DPY19L2: variants seen among roughly 807,000 people sequenced by gnomAD.
DPY19L2 encodes probable C-mannosyltransferase DPY19L2.
Under a neutral mutation model 97.9 loss-of-function variants are expected in DPY19L2, and 34 were observed. The ratio of observed to expected loss-of-function variants is 0.35; its 90% CI spans 0.26 to 0.46. DPY19L2 has a LOEUF of 0.46. Among genes scored for constraint, DPY19L2 ranks in the 20% least tolerant of loss-of-function variants. The pLI is 1.00. For synonymous variants in DPY19L2, 230 were observed against 307.9 expected (o/e 0.75, Z 2.65); for missense variants, 623 against 911.4 (o/e 0.68, Z 4.07).
intron 6 of DPY19L2, among the ~76,000 whole-genome samples, chr12:63,627,814 TC>T (rs1310143882): frequency 6.6e-6 from 1 of 152,182 alleles, no homozygotes; most frequent in African/African-American, 2.4e-5. Context: ...AGGGACAGGT[TC>T]TTTATCTGTC....
intron 6 of DPY19L2, among the ~76,000 whole-genome samples, chr12:63,636,061 G>A (rs549439149): frequency 6.6e-6 from 1 of 152,188 alleles, no homozygotes; most frequent in Admixed American, 6.6e-5. Flanking sequence ...GGAAGCCCAT[G>A]AGACTAACAG....
At chr12:63,651,617 C>G in intron 4 of DPY19L2, 1 of 346,792 alleles carries the variant, frequency 2.9e-6, no homozygotes, top group Non-Finnish European at 5.8e-6. Context: ...GTGCCTTGCT[C>G]AGCTCCAACA....
chr12:63,666,842 G>A (rs1385313943), intron 1 of DPY19L2, among the ~76,000 whole-genome samples: 1 of 152,064 alleles, frequency 6.6e-6, no homozygotes, highest in African/African-American at 2.4e-5. Context: ...TACTTGGCAA[G>A]TCATCTTATA....
chr12:63,668,092 G>GCCTGCAGTT lies in DPY19L2; in HGVS notation c.293_301dup (p.Glu98_Gln100dup). 1 of 1,613,990 alleles carries GCCTGCAGTT rather than the reference G, an allele frequency of 6.2e-7. No homozygotes were observed. Among genetic ancestry groups the GCCTGCAGTT allele is most frequent in the Non-Finnish European group, 8.5e-7 (1 of 1,179,966 alleles). ...AGTGGTTCTGCTGGAGAACCGCCGC[G>GCCTGCAGTT]CCTGCAGTTCCTGCACCTTTTCCCG... On this transcript the variant is annotated inframe_insertion, in exon 1 of 22. Coordinates refer to ENST00000324472, the MANE Select transcript of DPY19L2 (RefSeq NM_173812.5).
At chr12:63,566,549 G>A (rs1877749519) in intron 21 of DPY19L2, among the ~76,000 whole-genome samples, 1 of 150,930 alleles carries the variant, frequency 6.6e-6, no homozygotes, top group African/African-American at 2.4e-5. Flanking sequence ...CATACAGTAT[G>A]TAACCTTTGG....
chr12:63,591,804 A>C (rs1161910496), intron 16 of DPY19L2, among the ~76,000 whole-genome samples: 1 of 150,986 alleles, frequency 6.6e-6, no homozygotes, highest in Admixed American at 6.6e-5. Context: ...TTAGCTGGGC[A>C]TGGTGATGCA....
At chr12:63,658,763 A>G (rs567398639) in intron 4 of DPY19L2, among the ~76,000 whole-genome samples, 21 of 152,282 alleles carry the variant, frequency 1.4e-4, no homozygotes, top group Non-Finnish European at 4.4e-5. Context: ...TATCTGTGTC[A>G]TCACTCAGTC....
chr12:63,656,929 G>C (rs1895049053), intron 4 of DPY19L2, among the ~76,000 whole-genome samples: 1 of 151,912 alleles, frequency 6.6e-6, no homozygotes, highest in Non-Finnish European at 1.5e-5. Context: ...CATATCATCT[G>C]TCTTTTCCAT....
At chr12:63,612,980 A>G (rs1384875750) in intron 11 of DPY19L2, among the ~76,000 whole-genome samples, 1 of 152,122 alleles carries the variant, frequency 6.6e-6, no homozygotes, top group Non-Finnish European at 1.5e-5. Context: ...TAACACGAAT[A>G]GCCTTATACC....
At chr12:63,608,478 T>C (rs181240259) in intron 12 of DPY19L2, 138 bp downstream of exon 12, 3 of 943,202 alleles carry the variant, frequency 3.2e-6, no homozygotes, top group African/African-American at 3.3e-5. Flanking sequence ...CTATCTACCT[T>C]AGATAGTAAC....
intron 11 of DPY19L2, among the ~76,000 whole-genome samples, chr12:63,616,681 C>A (rs1887889767): frequency 6.6e-6 from 1 of 152,162 alleles, no homozygotes; most frequent in African/African-American, 2.4e-5. Context: ...CGTGAGGAGA[C>A]TGCACACTTA....
intron 7 of DPY19L2, among the ~76,000 whole-genome samples, chr12:63,625,422 C>A (rs1889365589): frequency 6.6e-6 from 1 of 151,800 alleles, no homozygotes; most frequent in Admixed American, 6.6e-5. Flanking sequence ...GTACTTCTAC[C>A]CTATGTAACC....
intron 11 of DPY19L2, among the ~76,000 whole-genome samples, chr12:63,610,232 G>A (rs536588392): frequency 2.6e-5 from 4 of 152,014 alleles, no homozygotes; most frequent in East Asian, 1.9e-4. Context: ...TACCTACAGC[G>A]AATAGGCAGT....
At chr12:63,578,462 T>C (rs1309048757) in intron 19 of DPY19L2, among the ~76,000 whole-genome samples, 3 of 152,124 alleles carry the variant, frequency 2.0e-5, no homozygotes, top group Non-Finnish European at 2.9e-5. Context: ...AGAGTATAAC[T>C]GGATTGTTTG....
At chr12:63,631,768 G>A (rs557177137) in intron 6 of DPY19L2, among the ~76,000 whole-genome samples, 1 of 152,036 alleles carries the variant, frequency 6.6e-6, no homozygotes, top group African/African-American at 2.4e-5. Flanking sequence ...CAAAAAAAGA[G>A]AATTTTAGAC....
intron 16 of DPY19L2, 83 bp downstream of exon 16, chr12:63,594,004 T>C: frequency 5.4e-6 from 5 of 929,664 alleles, no homozygotes; most frequent in Non-Finnish European, 8.0e-6. Context: ...GTTTAATGCA[T>C]ATTCATTTGA....
At chr12:63,625,932 T>C (rs1243901575) in intron 7 of DPY19L2, among the ~76,000 whole-genome samples, 1 of 131,018 alleles carries the variant, frequency 7.6e-6, no homozygotes, top group African/African-American at 3.3e-5. Flanking sequence ...GTTGAATATA[T>C]ATGTTATATA....
chr12:63,629,666 C>G (rs1310887588), intron 6 of DPY19L2, among the ~76,000 whole-genome samples: 3 of 152,224 alleles, frequency 2.0e-5, no homozygotes, highest in African/African-American at 7.2e-5. Flanking sequence ...AGGAGAACTT[C>G]CCCAGTCTAG....
chr12:63,668,352 G>T lies in DPY19L2; in HGVS notation c.42C>A (p.Ser14=), dbSNP rs11175111. The T allele has an allele frequency of 1.9e-6, 3 of 1,613,188 alleles. No homozygotes were observed. The African/African-American group carries it at 4.0e-5, about 22-fold the overall frequency. The change falls in exon 1 of 22, where the codon TCC becomes TCA. Residue 14 remains serine, a synonymous_variant. Coordinates refer to ENST00000324472, the MANE Select transcript of DPY19L2 (RefSeq NM_173812.5). ...QGVSSKRLQS[S]GRSQSKGRRG... is the part of the protein sequence containing the mutation. Reference sequence around the variant, plus strand: ...GCCGCCCCTTAGACTGGCTGCGGCCGGAAGATTGCAGCCGCTTTGAGCTTA... The same window carrying T: ...GCCGCCCCTTAGACTGGCTGCGGCCTGAAGATTGCAGCCGCTTTGAGCTTA...
Sources: allele counts gnomAD v4.1 joint callset (sites outside exome capture counted in the v4.1 genomes callset), GRCh38; gene constraint gnomAD v4.1.1; transcripts MANE v1.5; gene names NCBI Gene and HGNC (gene_info 2026-07-23, HGNC 2026-07-21).